The following SLC25A13 variants were observed in gnomAD, a reference collection of about 807,000 sequenced individuals.
SLC25A13 encodes the protein solute carrier family 25 member 13.
A neutral mutation model predicts 85.5 loss-of-function variants in SLC25A13; 70 were observed. The observed-to-expected ratio is 0.82, with a 90% CI of 0.68 to 1.00. SLC25A13 has a LOEUF of 1.00. Among genes scored for constraint, SLC25A13 ranks in the 50% least tolerant of loss-of-function variants. The pLI is 0.00. For missense variants in SLC25A13, 765 were observed against 819.8 expected (o/e 0.93, Z 0.82); for synonymous variants, 259 against 288.7 (o/e 0.90, Z 1.04).
chr7:96,262,465 A>C (rs149692724), intron 3 of SLC25A13, among the ~76,000 whole-genome samples: 429 of 152,254 alleles, frequency 2.8e-3, no homozygotes, highest in African/African-American at 9.6e-3. Context: ...TGGTAACTCA[A>C]GGTTCAATAT....
At chr7:96,207,926 C>CA (rs1795521160) in intron 5 of SLC25A13, among the ~76,000 whole-genome samples, 1 of 152,152 alleles carries the variant, frequency 6.6e-6, no homozygotes, top group Non-Finnish European at 1.5e-5. Context: ...ACTGGTTCTC[C>CA]ATGAGGGCCA....
At chr7:96,252,227 C>A (rs952320476) in intron 3 of SLC25A13, among the ~76,000 whole-genome samples, 2 of 152,102 alleles carry the variant, frequency 1.3e-5, no homozygotes, top group Non-Finnish European at 2.9e-5. Context: ...GCTACTGTCA[C>A]CTTTCCAAGA....
At chr7:96,188,936 C>T (rs1450827383) in intron 9 of SLC25A13, among the ~76,000 whole-genome samples, 2 of 152,206 alleles carry the variant, frequency 1.3e-5, no homozygotes, top group Admixed American at 6.5e-5. Flanking sequence ...CATTTAGCAA[C>T]GTGCAGCTGC....
At chr7:96,147,766 T>C (rs1792864341) in intron 13 of SLC25A13, among the ~76,000 whole-genome samples, 1 of 152,204 alleles carries the variant, frequency 6.6e-6, no homozygotes, top group Non-Finnish European at 1.5e-5. Flanking sequence ...GGAGATACTA[T>C]GCAGTCAACA....
At chr7:96,309,789 T>C (rs1489134443) in intron 1 of SLC25A13, 1 of 152,204 alleles carries the variant, frequency 6.6e-6, no homozygotes, top group Non-Finnish European at 1.5e-5. Context: ...ATTCAATAAC[T>C]GTTATGGGCT....
At chr7:96,305,231 C>T (rs1200715937) in intron 1 of SLC25A13, among the ~76,000 whole-genome samples, 1 of 152,110 alleles carries the variant, frequency 6.6e-6, no homozygotes, top group Non-Finnish European at 1.5e-5. Context: ...GTTATTTAGA[C>T]ACTAATTATA....
intron 13 of SLC25A13, among the ~76,000 whole-genome samples, chr7:96,147,080 CGTATCCAAATGAGGAGACACAG>C (rs1562793953): frequency 1.9e-5 from 1 of 53,488 alleles, no homozygotes; most frequent in East Asian, 8.3e-4. Flanking sequence ...AGACACAGAA[CGTATCCAAATGAGGAGACACAG>C]AACGTATCCA....
chr7:96,264,784 A>T (rs1345842193), intron 3 of SLC25A13, among the ~76,000 whole-genome samples: 1 of 151,970 alleles, frequency 6.6e-6, no homozygotes, highest in Non-Finnish European at 1.5e-5. Flanking sequence ...CCTGGCCTCA[A>T]GCGATCCTCC....
chr7:96,255,864 A>G (rs1054119739), intron 3 of SLC25A13, among the ~76,000 whole-genome samples: 1 of 152,212 alleles, frequency 6.6e-6, no homozygotes, highest in Admixed American at 6.5e-5. Flanking sequence ...CCATCAGACT[A>G]ACAGTGAATC....
chr7:96,242,706 A>G (rs1019328255), intron 3 of SLC25A13, among the ~76,000 whole-genome samples: 2 of 152,170 alleles, frequency 1.3e-5, no homozygotes, highest in South Asian at 4.1e-4. Flanking sequence ...ACTCCAACCA[A>G]TTGTCAACCA....
chr7:96,189,464 T>C (rs1584430881), intron 8 of SLC25A13, 86 bp from the exon 9 acceptor site: 1 of 1,543,306 alleles, frequency 6.5e-7, no homozygotes, highest in East Asian at 2.2e-5. Context: ...CCTTTTTTCA[T>C]TTCTCATATT....
chr7:96,300,619 A>C (rs1033194077), intron 1 of SLC25A13, among the ~76,000 whole-genome samples: 2 of 152,150 alleles, frequency 1.3e-5, no homozygotes, highest in Non-Finnish European at 2.9e-5. Flanking sequence ...CTTCAAACAC[A>C]CTCACCAAAC....
intron 5 of SLC25A13, among the ~76,000 whole-genome samples, chr7:96,195,636 C>T (rs947652724): frequency 1.3e-5 from 2 of 152,126 alleles, no homozygotes; most frequent in Non-Finnish European, 2.9e-5. Flanking sequence ...GCATACAAGC[C>T]CCCAGAGGAA....
chr7:96,194,817 T>A (rs2116670385), intron 5 of SLC25A13, among the ~76,000 whole-genome samples: 1 of 152,312 alleles, frequency 6.6e-6, no homozygotes, highest in East Asian at 1.9e-4. Flanking sequence ...TTTAAAATAT[T>A]TTAAAGATAA....
chr7:96,320,658 C>T (rs1285510503), intron 1 of SLC25A13, among the ~76,000 whole-genome samples: 6 of 152,130 alleles, frequency 3.9e-5, no homozygotes, highest in Admixed American at 3.9e-4. Flanking sequence ...CATATGCAAA[C>T]ATACATGAGC....
chr7:96,126,819 T>C (rs1214631196), intron 15 of SLC25A13, among the ~76,000 whole-genome samples: 1 of 152,244 alleles, frequency 6.6e-6, no homozygotes, highest in Admixed American at 6.5e-5. Context: ...TGGATGAATA[T>C]GCTCAGTCTA....
chr7:96,128,535 A>G (rs1400817790), intron 15 of SLC25A13, among the ~76,000 whole-genome samples: 1 of 152,168 alleles, frequency 6.6e-6, no homozygotes, highest in Non-Finnish European at 1.5e-5. Context: ...ACTAAAATCA[A>G]CAGGGCAAAC....
intron 2 of SLC25A13, among the ~76,000 whole-genome samples, chr7:96,287,741 AC>A (rs1798944775): frequency 6.6e-6 from 1 of 152,084 alleles, no homozygotes; most frequent in African/African-American, 2.4e-5. Flanking sequence ...GTATTGAGAC[AC>A]CCTCTATGGT....
intron 1 of SLC25A13, among the ~76,000 whole-genome samples, chr7:96,305,991 ACAGC>A (rs1799729414): frequency 6.6e-6 from 1 of 152,200 alleles, no homozygotes; most frequent in African/African-American, 2.4e-5. Context: ...GCCCTATTCC[ACAGC>A]CCACAGCTTT....
Sources: gnomAD v4.1 joint callset for allele counts (sites outside exome capture counted in the v4.1 genomes callset) on GRCh38, gnomAD v4.1.1 for gene constraint, MANE v1.5 for transcripts, NCBI Gene and HGNC (gene_info 2026-07-23, HGNC 2026-07-21) for gene names.